The following CHN2 variants were observed in gnomAD, a reference collection of about 807,000 sequenced individuals.
CHN2 encodes the protein beta-chimaerin.
Under a neutral mutation model 56.3 loss-of-function variants are expected in CHN2, and 35 were observed. The ratio of observed to expected loss-of-function variants is 0.62; its 90% CI spans 0.47 to 0.82. CHN2 has a LOEUF of 0.82. Ranked by LOEUF, CHN2 falls within the 40% of genes least tolerant of loss-of-function variation. CHN2 has a pLI of 0.00. For synonymous variants in CHN2, 210 were observed against 212.8 expected (o/e 0.99, Z 0.12); for missense variants, 491 against 580.5 (o/e 0.85, Z 1.58).
intron 6 of CHN2, among the ~76,000 whole-genome samples, chr7:29,410,280 T>C (rs1248708078): frequency 7.2e-6 from 1 of 138,918 alleles, no homozygotes; most frequent in East Asian, 2.0e-4. Context: ...GTGATTACTT[T>C]CATTTTTAAG....
chr7:29,222,123 A>C (rs893639552), intron 1 of CHN2, among the ~76,000 whole-genome samples: 8 of 152,200 alleles, frequency 5.3e-5, no homozygotes, highest in Non-Finnish European at 1.5e-5. Flanking sequence ...TGCTACAAAA[A>C]GAATAAAATA....
chr7:29,341,607 T>A (rs1421800475), intron 1 of CHN2, among the ~76,000 whole-genome samples: 2 of 146,638 alleles, frequency 1.4e-5, no homozygotes, highest in East Asian at 4.2e-4. Flanking sequence ...GAGAGAAGGA[T>A]GGGAGGGAGA....
intron 6 of CHN2, among the ~76,000 whole-genome samples, chr7:29,405,935 G>C (rs1802614609): frequency 6.6e-6 from 1 of 152,104 alleles, no homozygotes; most frequent in African/African-American, 2.4e-5. Flanking sequence ...AGAGGCCGTG[G>C]CCAGGCCAAG....
intron 2 of CHN2, among the ~76,000 whole-genome samples, chr7:29,157,283 C>T (rs1461734307): frequency 6.7e-6 from 1 of 149,874 alleles, no homozygotes; most frequent in Non-Finnish European, 1.5e-5. Flanking sequence ...CCCATTGGAA[C>T]CTGTCAGTAC....
At chr7:29,378,508 G>A (rs764330735) in intron 3 of CHN2, among the ~76,000 whole-genome samples, 2 of 152,184 alleles carry the variant, frequency 1.3e-5, no homozygotes, top group African/African-American at 4.8e-5. Flanking sequence ...GAACGCAGCA[G>A]TACTCATTCT....
At chr7:29,416,551 A>C (rs1803761790) in intron 6 of CHN2, among the ~76,000 whole-genome samples, 1 of 152,176 alleles carries the variant, frequency 6.6e-6, no homozygotes, top group African/African-American at 2.4e-5. Context: ...GTTAGTACAC[A>C]GAGTTCCAGG....
rs757815191 is a variant in CHN2 at position 29,194,925 on chromosome 7, G to A, written c.-17G>A. The stretch of plus-strand genomic sequence containing the variant: ...GCACCGGGGCTGAGCGAGCAGCGAC[G>A]CGAGGGGCGCGCGGAGATGGCAGCG... On this transcript the variant is annotated 5_prime_UTR_variant, in exon 1 of 13. Transcript: ENST00000222792. The A allele has an allele frequency of 1.3e-6, 2 of 1,556,352 alleles. No individual in the cohort carries two copies. Among genetic ancestry groups the A allele is most frequent in the South Asian group, 1.2e-5 (1 of 84,590 alleles).
chr7:29,327,431 G>C (rs1795893385), intron 1 of CHN2, among the ~76,000 whole-genome samples: 1 of 152,186 alleles, frequency 6.6e-6, no homozygotes, highest in African/African-American at 2.4e-5. Context: ...TTTGCTTCTG[G>C]AGAGTGCCGA....
chr7:29,499,430 G>GT (rs539443388), intron 8 of CHN2, among the ~76,000 whole-genome samples: 10 of 152,260 alleles, frequency 6.6e-5, no homozygotes, highest in Admixed American at 2.0e-4. Context: ...TGCAGAAAGA[G>GT]TAACTCTGCC....
intron 6 of CHN2, among the ~76,000 whole-genome samples, chr7:29,430,048 G>A (rs1782725265): frequency 6.6e-6 from 1 of 152,176 alleles, no homozygotes; most frequent in African/African-American, 2.4e-5. Context: ...ACTGTACTTA[G>A]AAAGAAACAC....
At chr7:29,301,898 C>T (rs1313884633) in intron 1 of CHN2, among the ~76,000 whole-genome samples, 1 of 152,162 alleles carries the variant, frequency 6.6e-6, no homozygotes, top group African/African-American at 2.4e-5. Flanking sequence ...CTATCTTCAT[C>T]GAAGCCATCT....
intron 2 of CHN2, among the ~76,000 whole-genome samples, chr7:29,163,981 C>A (rs187757854): frequency 1.3e-5 from 2 of 152,326 alleles, no homozygotes; most frequent in East Asian, 3.9e-4. Flanking sequence ...TGTTAACATT[C>A]GTGGACAAGT....
At chr7:29,370,443 A>T (rs78830508) in intron 3 of CHN2, among the ~76,000 whole-genome samples, 2,379 of 152,188 alleles carry the variant, frequency 0.016, 88 homozygotes, top group African/African-American at 0.054. Context: ...AATGAGTTAT[A>T]ATTTTTTCTA....
intron 2 of CHN2, among the ~76,000 whole-genome samples, chr7:29,153,211 C>T (rs924399554): frequency 2.6e-5 from 4 of 152,208 alleles, no homozygotes; most frequent in South Asian, 2.1e-4. Context: ...CATATCTAGA[C>T]ATATGGTATG....
At chr7:29,320,347 C>T (rs1389981841) in intron 1 of CHN2, among the ~76,000 whole-genome samples, 1 of 152,080 alleles carries the variant, frequency 6.6e-6, no homozygotes, top group African/African-American at 2.4e-5. Flanking sequence ...TTTGTCACCC[C>T]CTCGCCCCCT....
Position 29,514,018 on chromosome 7 carries a change from C to A in CHN2, c.*1283C>A, listed in dbSNP as rs576280628. On this transcript the variant is annotated 3_prime_UTR_variant, in exon 13 of 13. Coordinates refer to ENST00000222792, the MANE Select transcript of CHN2 (RefSeq NM_004067.4). ...GATTGAGATGATTTGTGTAAACTCA[C>A]CAGTCTTGCTTTGGAGTGAGCAGAA... The A allele has an allele frequency of 1.1e-3, 175 of 152,710 alleles. 1 individual carries two copies. Among genetic ancestry groups the A allele is most frequent in the Non-Finnish European group, 1.8e-3 (123 of 68,032 alleles). 9.5% of individuals were successfully genotyped at this position (152,710 alleles called of 1,614,324 possible).
rs187800408 is a variant in CHN2 at position 29,210,442 on chromosome 7, G to A, written c.49+15452G>A. On this transcript the variant is annotated intron_variant, in intron 1 of 12. Transcript: ENST00000222792. ...CACACACACACCCCACACACACACC[G>A]TGCACACACCAATACTTCATTCCAT... 2.9e-3 allele frequency among the ~76,000 whole-genome samples: 433 copies of A among 147,464 alleles called. 13 individuals carry two copies. In the East Asian group the frequency reaches 0.067, roughly 23 times the overall value.
chr7:29,498,717 TTTTTCCCTTTC>T (rs371232018), intron 8 of CHN2, among the ~76,000 whole-genome samples: 2,124 of 151,644 alleles, frequency 0.014, 40 homozygotes, highest in African/African-American at 0.043. Context: ...CAGCATTGAA[TTTTTCCCTTTC>T]AGAATGTAGC....
chr7:29,272,493 G>A (rs576092953), intron 1 of CHN2, among the ~76,000 whole-genome samples: 3 of 152,248 alleles, frequency 2.0e-5, no homozygotes, highest in African/African-American at 7.2e-5. Context: ...GGCTACTAAA[G>A]AAAGAACCTG....
Sources: gnomAD v4.1 joint callset for allele counts (sites outside exome capture counted in the v4.1 genomes callset) on GRCh38, gnomAD v4.1.1 for gene constraint, MANE v1.5 for transcripts, NCBI Gene and HGNC (gene_info 2026-07-23, HGNC 2026-07-21) for gene names.